CNTNAP5: variants seen among roughly 807,000 people sequenced by gnomAD.
CNTNAP5 encodes contactin-associated protein-like 5.
CNTNAP5 carries 72 observed loss-of-function variants against 150.2 expected under a neutral mutation model. The observed-to-expected ratio is 0.48, with a 90% confidence interval of 0.40 to 0.58. The LOEUF is 0.58. CNTNAP5 is among the 20% of genes least tolerant of loss of function. The probability of loss-of-function intolerance (pLI) is 0.00; values close to 1 mark genes in which losing one functional copy is unlikely to be tolerated. For synonymous variants in CNTNAP5, 672 were observed against 619.8 expected (o/e 1.08, Z -1.25); for missense variants, 1,636 against 1,626.2 (o/e 1.01, Z -0.10).
At chr2:124,719,958 G>A (rs769623629) in intron 13 of CNTNAP5, among the ~76,000 whole-genome samples, 5 of 152,204 alleles carry the variant, frequency 3.3e-5, no homozygotes, top group African/African-American at 7.2e-5. Flanking sequence ...GATGATTTCC[G>A]TGGGGAAAGC....
At chr2:124,889,519 G>A (rs924144468) in intron 21 of CNTNAP5, among the ~76,000 whole-genome samples, 3 of 152,024 alleles carry the variant, frequency 2.0e-5, no homozygotes, top group African/African-American at 7.2e-5. Context: ...GAGTGAGATA[G>A]GATTCTTAAA....
At chr2:124,093,101 A>G (rs1682851799) in intron 1 of CNTNAP5, among the ~76,000 whole-genome samples, 1 of 152,222 alleles carries the variant, frequency 6.6e-6, no homozygotes. Context: ...ACAGTGCACT[A>G]TATAAAGCCA....
At chr2:124,219,684 G>A (rs1032281361) in intron 1 of CNTNAP5, among the ~76,000 whole-genome samples, 2 of 152,030 alleles carry the variant, frequency 1.3e-5, no homozygotes, top group African/African-American at 4.8e-5. Context: ...ACAGGCATAC[G>A]TACATGCAAG....
chr2:124,620,749 A>ATG (rs1558707382), intron 12 of CNTNAP5, among the ~76,000 whole-genome samples: 11 of 105,286 alleles, frequency 1.0e-4, no homozygotes, highest in East Asian at 6.1e-4. Context: ...ACACATGCAC[A>ATG]CACACACACA....
rs185998375 is a variant in CNTNAP5 at position 124,753,179 on chromosome 2, C to T, written c.2234+5794C>T. 9.2e-5 allele frequency among the ~76,000 whole-genome samples: 14 copies of T among 152,072 alleles called. No individual in the cohort carries two copies. In the East Asian group the frequency reaches 2.7e-3, roughly 29 times the overall value. On this transcript the variant is annotated intron_variant, in intron 14 of 23. Coordinates refer to ENST00000682447, the MANE Select transcript of CNTNAP5 (RefSeq NM_001367498.1). ...AGAAAATGATGTAAGGTGTAAATTC[C>T]GGTCATCTGATAATCCAAAAAAGAA...
intron 3 of CNTNAP5, among the ~76,000 whole-genome samples, chr2:124,378,842 C>A (rs186770036): frequency 6.6e-6 from 1 of 152,164 alleles, no homozygotes; most frequent in Admixed American, 6.5e-5. Flanking sequence ...TCTCTGTTTA[C>A]ATCTTGAGAA....
rs112449061 is a variant in CNTNAP5 at position 124,880,727 on chromosome 2, C to A, written c.3436+10965C>A. ...AGTAAAGCCTATGGATCTTTGTTCCCAAAGTGATAAAACAAGTATCTGTGA... is the reference window on the plus strand; with the variant it reads ...AGTAAAGCCTATGGATCTTTGTTCCAAAAGTGATAAAACAAGTATCTGTGA... On this transcript the variant is annotated intron_variant, in intron 21 of 23. Transcript: ENST00000682447. Among the ~76,000 whole-genome samples the A allele has an allele frequency of 4.3e-3, 658 of 152,082 alleles. 4 individuals are homozygous for A. Among genetic ancestry groups the A allele is most frequent in the African/African-American group, 0.014 (592 of 41,514 alleles).
At chr2:124,408,527 C>A (rs1188006673) in intron 3 of CNTNAP5, among the ~76,000 whole-genome samples, 5 of 152,054 alleles carry the variant, frequency 3.3e-5, no homozygotes, top group East Asian at 1.9e-4. Flanking sequence ...CAGCACGCAG[C>A]TGGAGATCTG....
intron 2 of CNTNAP5, among the ~76,000 whole-genome samples, chr2:124,224,994 G>A (rs1449584496): frequency 6.6e-6 from 1 of 151,922 alleles, no homozygotes; most frequent in Non-Finnish European, 1.5e-5. Flanking sequence ...GTTTTACAAA[G>A]AAAAAACATG....
intron 4 of CNTNAP5, among the ~76,000 whole-genome samples, chr2:124,433,082 C>T (rs577498306): frequency 1.3e-5 from 2 of 152,286 alleles, no homozygotes; most frequent in East Asian, 3.9e-4. Flanking sequence ...AACTAACAAA[C>T]TATGACCATC....
rs193112933 is a variant in CNTNAP5, at chr2:124,408,031, G to A, written c.382-9412G>A. On this transcript the variant is annotated intron_variant, in intron 3 of 23. Transcript: ENST00000682447. ...GCGCAGGTCAGTGGGTGCGCGCACCGTACGCCAGCCGAAGCAGGGCGAGGC... is the reference window on the plus strand; with the variant it reads ...GCGCAGGTCAGTGGGTGCGCGCACCATACGCCAGCCGAAGCAGGGCGAGGC... 5.3e-5 allele frequency among the ~76,000 whole-genome samples: 8 copies of A among 151,988 alleles called. No homozygotes were observed. The South Asian group carries it at 1.2e-3, about 24-fold the overall frequency.
In CNTNAP5 at chr2:124,707,123, AAAGAAGAAGAAGAAGAGGAAGAAG is replaced by A. The variant is rs1311311708; in HGVS notation, c.2078-40089_2078-40066del. ...GAGGAAGAAGAAGAGGAAGAAGAAG[AAAGAAGAAGAAGAAGAGGAAGAAG>A]AAGAAGAAGAAGAAGAAGAAGAAGA... is the stretch of plus-strand genomic sequence containing the variant. On this transcript the variant is annotated intron_variant, in intron 13 of 23. Transcript: ENST00000682447. Among the ~76,000 whole-genome samples the A allele has an allele frequency of 4.5e-3, 331 of 73,196 alleles. 19 individuals carry two copies. Among genetic ancestry groups the A allele is most frequent in the African/African-American group, 0.017 (314 of 18,240 alleles). 48.0% of individuals were successfully genotyped at this position (73,196 alleles called of 152,430 possible). A position where few individuals can be genotyped will look rare whatever the true frequency, so the allele number is the denominator to read the frequency against.
At chr2:124,042,867 C>T (rs1033041010) in intron 1 of CNTNAP5, among the ~76,000 whole-genome samples, 7 of 151,762 alleles carry the variant, frequency 4.6e-5, no homozygotes, top group African/African-American at 1.7e-4. Context: ...ACTAAAGGTG[C>T]CGAAGTTGCC....
intron 10 of CNTNAP5, among the ~76,000 whole-genome samples, chr2:124,535,828 G>A (rs1029443061): frequency 7.2e-5 from 11 of 151,920 alleles, no homozygotes; most frequent in African/African-American, 2.7e-4. Context: ...AGTGTCTACT[G>A]AACTCTCTGG....
At chr2:124,570,455 G>C (rs964466596) in intron 11 of CNTNAP5, among the ~76,000 whole-genome samples, 1 of 152,078 alleles carries the variant, frequency 6.6e-6, no homozygotes, top group Admixed American at 6.5e-5. Flanking sequence ...AATGGGGGAG[G>C]CAGGAAGGAG....
At chr2:124,431,651 CATT>C (rs1483375339) in intron 4 of CNTNAP5, among the ~76,000 whole-genome samples, 8 of 133,762 alleles carry the variant, frequency 6.0e-5, no homozygotes, top group East Asian at 4.3e-4. Flanking sequence ...TTTATATAAA[CATT>C]ATATATAATT....
intron 12 of CNTNAP5, among the ~76,000 whole-genome samples, chr2:124,640,891 C>A (rs1038361643): frequency 2.4e-4 from 36 of 151,788 alleles, no homozygotes; most frequent in Non-Finnish European, 5.9e-5. Flanking sequence ...CTTTGGGAGA[C>A]CGAGGCAGGA....
intron 19 of CNTNAP5, among the ~76,000 whole-genome samples, chr2:124,819,403 A>G (rs1682437769): frequency 6.6e-6 from 1 of 152,120 alleles, no homozygotes; most frequent in Non-Finnish European, 1.5e-5. Flanking sequence ...AGCAAATAAC[A>G]TGGCAGTATG....
chr2:124,208,980 C>T (rs1685935454), intron 1 of CNTNAP5, among the ~76,000 whole-genome samples: 1 of 152,102 alleles, frequency 6.6e-6, no homozygotes, highest in Admixed American at 6.6e-5. Context: ...AAACAGGCAT[C>T]ATCATCTTCA....
Sources: allele counts gnomAD v4.1 joint callset (sites outside exome capture counted in the v4.1 genomes callset), GRCh38; gene constraint gnomAD v4.1.1; transcripts MANE v1.5; gene names NCBI Gene and HGNC (gene_info 2026-07-23, HGNC 2026-07-21).